UCK2: variants seen among roughly 807,000 people sequenced by gnomAD.
UCK2 encodes the protein uridine-cytidine kinase 2, also known as cytidine monophosphokinase 2.
Under a neutral mutation model 30.8 loss-of-function variants are expected in UCK2, and 6 were observed. The observed-to-expected ratio is 0.19, with a 90% CI of 0.11 to 0.38. The LOEUF (loss-of-function observed/expected upper bound fraction) is 0.38, where lower values mean the gene tolerates loss of function less well. Among genes scored for constraint, UCK2 ranks in the 10% least tolerant of loss-of-function variants. The probability of loss-of-function intolerance (pLI) is 1.00; values close to 1 mark genes in which losing one functional copy is unlikely to be tolerated. For synonymous variants in UCK2, 125 were observed against 133.6 expected, an observed-to-expected ratio of 0.94 and a Z score of 0.45; for missense variants, 210 against 339.8, an observed-to-expected ratio of 0.62 and a Z score of 3.00.
rs1419215709 is a variant in UCK2 at position 165,911,179 on chromosome 1, G to A, written c.*3356G>A. On this transcript the variant is annotated 3_prime_UTR_variant, in exon 7 of 7. Coordinates refer to ENST00000367879, the MANE Select transcript of UCK2 (RefSeq NM_012474.5). ...CAGGCTGAGGAGCAGCTAGGTAGGT[G>A]GGTTATGCGGTTCAGGACTGCTTCT... 3 of 152,326 alleles carry A rather than the reference G, an allele frequency of 2.0e-5. No homozygotes were observed. The highest frequency in any genetic ancestry group is 7.2e-5 in the African/African-American group (3 of 41,430). The allele number at this position is 152,326 out of a possible 1,614,324, so 9.4% of individuals were successfully genotyped here.
At chr1:165,895,996 C>CGT in intron 3 of UCK2, 194 bp from the exon 4 acceptor site, 1 of 653,492 alleles carries the variant, frequency 1.5e-6, no homozygotes, top group South Asian at 2.1e-5. Flanking sequence ...TTGTCCCGGC[C>CGT]GTGATCACCC....
intron 5 of UCK2, among the ~76,000 whole-genome samples, 176 bp from the exon 6 acceptor site, chr1:165,905,738 AAATTTCT>A (rs1647635879): frequency 1.3e-5 from 2 of 152,178 alleles, no homozygotes; most frequent in South Asian, 4.1e-4. Flanking sequence ...AGGTTTCCCC[AAATTTCT>A]ATTAATAGAT....
chr1:165,841,769 A>G (rs558345387), intron 1 of UCK2, among the ~76,000 whole-genome samples: 65 of 152,134 alleles, frequency 4.3e-4, no homozygotes, highest in Non-Finnish European at 6.6e-4. Flanking sequence ...GCCAAACTGA[A>G]TTAAGTAGTA....
chr1:165,828,533 C>G (rs1190054676), intron 1 of UCK2, among the ~76,000 whole-genome samples: 1 of 152,186 alleles, frequency 6.6e-6, no homozygotes, highest in Non-Finnish European at 1.5e-5. Flanking sequence ...AAATAGGTGC[C>G]GTGACATCAA....
At chr1:165,839,002 C>A (rs188082763) in intron 1 of UCK2, among the ~76,000 whole-genome samples, 1 of 151,872 alleles carries the variant, frequency 6.6e-6, no homozygotes, top group Non-Finnish European at 1.5e-5. Context: ...GAGCCGAGAT[C>A]GTGCCACTGC....
At chr1:165,831,815 G>T (rs184295401) in intron 1 of UCK2, among the ~76,000 whole-genome samples, 16 of 152,140 alleles carry the variant, frequency 1.1e-4, no homozygotes, top group African/African-American at 3.9e-4. Context: ...ACTCAGGCTG[G>T]AATGCAGTGG....
At chr1:165,891,177 G>A (rs774889302) in intron 2 of UCK2, 49 bp from the exon 3 acceptor site, 1 of 1,508,672 alleles carries the variant, frequency 6.6e-7, no homozygotes, top group Non-Finnish European at 9.2e-7. Flanking sequence ...GATTATAGGA[G>A]ATCCTATTTT....
At chr1:165,851,596 G>T (rs570477983) in intron 1 of UCK2, among the ~76,000 whole-genome samples, 1 of 152,124 alleles carries the variant, frequency 6.6e-6, no homozygotes, top group South Asian at 2.1e-4. Flanking sequence ...AGGGCTCAAG[G>T]CTTGAAGCTG....
intron 1 of UCK2, among the ~76,000 whole-genome samples, chr1:165,852,832 AATAG>A (rs1372535185): frequency 1.1e-4 from 16 of 152,332 alleles, no homozygotes; most frequent in South Asian, 8.3e-4. Flanking sequence ...GGTGCAGGGA[AATAG>A]ATAGCATGGG....
intron 4 of UCK2, chr1:165,900,317 A>G (rs1243139851): frequency 3.3e-5 from 5 of 152,250 alleles, no homozygotes; most frequent in African/African-American, 1.2e-4. Flanking sequence ...ATGGTGCTGA[A>G]GAGTTTTATG....
chr1:165,869,921 A>G (rs1021859995), intron 1 of UCK2, among the ~76,000 whole-genome samples: 2 of 152,076 alleles, frequency 1.3e-5, no homozygotes, highest in Non-Finnish European at 2.9e-5. Context: ...TATATTAATT[A>G]TATTAATAGG....
At chr1:165,894,887 G>T (rs1043814191) in intron 3 of UCK2, among the ~76,000 whole-genome samples, 4 of 152,128 alleles carry the variant, frequency 2.6e-5, no homozygotes, top group Non-Finnish European at 4.4e-5. Context: ...GTTTTATTTG[G>T]TTTGCCAGTG....
intron 5 of UCK2, among the ~76,000 whole-genome samples, chr1:165,903,586 T>C (rs1420804892): frequency 2.0e-5 from 3 of 152,192 alleles, no homozygotes; most frequent in African/African-American, 7.2e-5. Context: ...TGAGACCGTT[T>C]ACTGAGGGTG....
intron 1 of UCK2, among the ~76,000 whole-genome samples, chr1:165,847,674 T>C (rs550099505): frequency 6.6e-6 from 1 of 151,952 alleles, no homozygotes; most frequent in East Asian, 1.9e-4. Flanking sequence ...TATTCACAGA[T>C]ACCATCATAG....
intron 4 of UCK2, among the ~76,000 whole-genome samples, chr1:165,896,844 C>A (rs1647274369): frequency 6.6e-6 from 1 of 152,188 alleles, no homozygotes; most frequent in South Asian, 2.1e-4. Context: ...GGGAAGTCAG[C>A]TGTGCCCTCC....
intron 1 of UCK2, 44 bp from the exon 2 acceptor site, chr1:165,890,160 G>A (rs988279971): frequency 1.2e-5 from 20 of 1,609,558 alleles, no homozygotes; most frequent in East Asian, 2.2e-5. Context: ...TGTACCACAC[G>A]TGCCCTTTCT....
chr1:165,907,373 CA>C (rs143750075), intron 6 of UCK2, among the ~76,000 whole-genome samples: 1,752 of 152,306 alleles, frequency 0.012, 42 homozygotes, highest in African/African-American at 0.04. Context: ...ACCACGTCTG[CA>C]GACTTTGGCC....
intron 4 of UCK2, among the ~76,000 whole-genome samples, chr1:165,896,743 G>A (rs1171367294): frequency 6.6e-6 from 1 of 152,198 alleles, no homozygotes; most frequent in African/African-American, 2.4e-5. Flanking sequence ...CTGAAGTACT[G>A]GGCAGCTCAT....
At chr1:165,872,644 T>C (rs755958996) in intron 1 of UCK2, among the ~76,000 whole-genome samples, 2 of 152,262 alleles carry the variant, frequency 1.3e-5, no homozygotes, top group Non-Finnish European at 2.9e-5. Flanking sequence ...ACATAATTTA[T>C]GTCTGTCAAT....
Sources: allele counts gnomAD v4.1 joint callset (sites outside exome capture counted in the v4.1 genomes callset), GRCh38; gene constraint gnomAD v4.1.1; transcripts MANE v1.5; gene names NCBI Gene and HGNC (gene_info 2026-07-23, HGNC 2026-07-21).